SCHIP1: variants seen among roughly 807,000 people sequenced by gnomAD.
The protein encoded by SCHIP1 is schwannomin-interacting protein 1.
In SCHIP1, 8 loss-of-function variants were observed where a neutral mutation model predicts 29.7. The observed-to-expected ratio is 0.27, with a 90% confidence interval of 0.16 to 0.49. The LOEUF is 0.49. SCHIP1 is among the 20% of genes least tolerant of loss of function. The pLI is 0.99. For missense variants in SCHIP1, 193 were observed against 294.6 expected (o/e 0.66, Z 2.52); for synonymous variants, 76 against 94.9 (o/e 0.80, Z 1.16).
chr3:159,711,260 C>A, the SCHIP1 span, among the ~76,000 whole-genome samples: 3 of 77,034 alleles, frequency 3.9e-5, 1 homozygote, highest in Admixed American at 4.3e-4. Context: ...ACTTGGGAGG[C>A]TGAGGCAGGA....
intron 1 of SCHIP1, among the ~76,000 whole-genome samples, chr3:159,863,728 CAGAG>C (rs139150256): frequency 0.014 from 2,060 of 152,162 alleles, 45 homozygotes; most frequent in African/African-American, 0.047. Flanking sequence ...TATCCAGAGA[CAGAG>C]AGAGAAGGAG....
the SCHIP1 span, among the ~76,000 whole-genome samples, chr3:159,802,560 T>A: frequency 6.6e-6 from 1 of 152,228 alleles, no homozygotes; most frequent in Non-Finnish European, 1.5e-5. Context: ...GAATTCTATT[T>A]CTTTCCATGT....
At chr3:159,554,160 T>G in the SCHIP1 span, among the ~76,000 whole-genome samples, 1 of 152,060 alleles carries the variant, frequency 6.6e-6, no homozygotes, top group South Asian at 2.1e-4. Context: ...GTGAGCCACC[T>G]CGCCCGGTCA....
the SCHIP1 span, among the ~76,000 whole-genome samples, chr3:159,395,044 T>G: frequency 6.6e-6 from 1 of 152,168 alleles, no homozygotes; most frequent in Non-Finnish European, 1.5e-5. Context: ...TTAGTCTTGG[T>G]AGAGTGTATG....
At chr3:159,452,202 T>C in the SCHIP1 span, among the ~76,000 whole-genome samples, 35 of 151,962 alleles carry the variant, frequency 2.3e-4, no homozygotes, top group Non-Finnish European at 3.7e-4. Context: ...TAAATAGGTA[T>C]ACATGTGCCA....
the SCHIP1 span, among the ~76,000 whole-genome samples, chr3:159,517,443 TG>T: frequency 6.6e-6 from 1 of 152,118 alleles, no homozygotes; most frequent in Non-Finnish European, 1.5e-5. Flanking sequence ...AGGTGATATT[TG>T]GATCATGGAT....
the SCHIP1 span, among the ~76,000 whole-genome samples, chr3:159,443,114 C>T: frequency 6.6e-6 from 1 of 152,158 alleles, no homozygotes; most frequent in South Asian, 2.1e-4. Flanking sequence ...AAACCTGCCA[C>T]CTCTAGTTTG....
chr3:159,590,271 C>G, the SCHIP1 span, among the ~76,000 whole-genome samples: 2 of 152,094 alleles, frequency 1.3e-5, no homozygotes, highest in Non-Finnish European at 2.9e-5. Flanking sequence ...CAGCCCAGCG[C>G]ATTAAAGAAC....
At chr3:159,473,001 G>A in the SCHIP1 span, among the ~76,000 whole-genome samples, 1 of 152,136 alleles carries the variant, frequency 6.6e-6, no homozygotes, top group Non-Finnish European at 1.5e-5. Flanking sequence ...CCCAGTGAGT[G>A]ATCATTATTT....
the SCHIP1 span, among the ~76,000 whole-genome samples, chr3:159,327,622 A>G: frequency 6.6e-6 from 1 of 152,302 alleles, no homozygotes; most frequent in Admixed American, 6.5e-5. Flanking sequence ...GTCATTTGCT[A>G]GCAAGCCCAC....
At chr3:159,612,436 G>GAAATATA in the SCHIP1 span, among the ~76,000 whole-genome samples, 8 of 152,280 alleles carry the variant, frequency 5.3e-5, no homozygotes, top group South Asian at 1.7e-3. Context: ...GCATAATTCT[G>GAAATATA]ACTGAAATAT....
chr3:159,770,729 C>T, the SCHIP1 span, among the ~76,000 whole-genome samples: 1 of 152,164 alleles, frequency 6.6e-6, no homozygotes, highest in South Asian at 2.1e-4. Context: ...CCCCTTTTCC[C>T]ATTGCTCTAT....
chr3:159,369,569 TC>T, the SCHIP1 span, among the ~76,000 whole-genome samples: 1 of 152,322 alleles, frequency 6.6e-6, no homozygotes, highest in Admixed American at 6.5e-5. Context: ...ATATATTGTT[TC>T]TTTGGAAAGA....
chr3:159,476,015 T>C, the SCHIP1 span, among the ~76,000 whole-genome samples: 1 of 152,164 alleles, frequency 6.6e-6, no homozygotes, highest in East Asian at 1.9e-4. Context: ...GATCTGTACC[T>C]CGAAGCTGCC....
At chr3:159,405,305 C>A in the SCHIP1 span, among the ~76,000 whole-genome samples, 4 of 152,054 alleles carry the variant, frequency 2.6e-5, no homozygotes, top group Non-Finnish European at 5.9e-5. Flanking sequence ...AAATAAGGTA[C>A]CAGGGACCAA....
the SCHIP1 span, among the ~76,000 whole-genome samples, chr3:159,385,588 A>C: frequency 0.052 from 3,105 of 59,612 alleles, 67 homozygotes; most frequent in African/African-American, 0.15. Context: ...AAAAAAAAAA[A>C]CCAAAAAAAA....
chr3:159,398,005 A>G, the SCHIP1 span, among the ~76,000 whole-genome samples: 2 of 152,316 alleles, frequency 1.3e-5, no homozygotes, highest in East Asian at 3.9e-4. Flanking sequence ...CCTCCAAGCC[A>G]GGTGCGGGAT....
chr3:159,689,017 G>A, the SCHIP1 span, among the ~76,000 whole-genome samples: 1 of 152,174 alleles, frequency 6.6e-6, no homozygotes, highest in East Asian at 1.9e-4. Context: ...AGTATAGTTT[G>A]AAGGCAGGTA....
chr3:159,640,692 C>T, the SCHIP1 span, among the ~76,000 whole-genome samples: 1 of 152,126 alleles, frequency 6.6e-6, no homozygotes, highest in Non-Finnish European at 1.5e-5. Context: ...CACAGCGTCA[C>T]AATCAGATAT....
Sources: allele counts gnomAD v4.1 joint callset (sites outside exome capture counted in the v4.1 genomes callset), GRCh38; gene constraint gnomAD v4.1.1; transcripts MANE v1.5; gene names NCBI Gene and HGNC (gene_info 2026-07-23, HGNC 2026-07-21).